Variants in CEP128 observed in about 807,000 individuals in gnomAD.
CEP128 encodes the protein centrosomal protein 128kDa.
Under a neutral mutation model 156.7 loss-of-function variants are expected in CEP128, and 132 were observed. The observed-to-expected ratio is 0.84, with a 90% CI of 0.73 to 0.97. The LOEUF (loss-of-function observed/expected upper bound fraction) is 0.97, where lower values mean the gene tolerates loss of function less well. Among genes scored for constraint, CEP128 ranks in the 50% least tolerant of loss-of-function variants. The pLI is 0.00. For missense variants in CEP128, 1,252 were observed against 1,281.9 expected (o/e 0.98, Z 0.36); for synonymous variants, 469 against 448.9 (o/e 1.04, Z -0.57).
At chr14:80,690,132 C>T (rs1319694965) in intron 19 of CEP128, among the ~76,000 whole-genome samples, 2 of 151,114 alleles carry the variant, frequency 1.3e-5, no homozygotes, top group South Asian at 2.1e-4. Flanking sequence ...TTGGGCAGGG[C>T]GTGGTGGCTC....
chr14:80,685,207 T>C (rs564085806), intron 19 of CEP128, among the ~76,000 whole-genome samples: 43 of 152,174 alleles, frequency 2.8e-4, no homozygotes, highest in African/African-American at 1.0e-3. Context: ...CTCTAAAGAC[T>C]TGGCAAAAGG....
chr14:80,834,208 A>G (rs1168308810), intron 12 of CEP128, among the ~76,000 whole-genome samples: 1 of 152,220 alleles, frequency 6.6e-6, no homozygotes, highest in Non-Finnish European at 1.5e-5. Flanking sequence ...CAAACTGTGA[A>G]CACAGCAAAA....
At chr14:80,907,192 C>T (rs1248972135) in intron 4 of CEP128, among the ~76,000 whole-genome samples, 1 of 151,940 alleles carries the variant, frequency 6.6e-6, no homozygotes, top group African/African-American at 2.4e-5. Context: ...TTTGGCTGCT[C>T]TAATTGAAAC....
At chr14:80,890,090 C>A (rs1406278100) in intron 8 of CEP128, among the ~76,000 whole-genome samples, 3 of 152,122 alleles carry the variant, frequency 2.0e-5, no homozygotes, top group Non-Finnish European at 2.9e-5. Flanking sequence ...CCATCTCACG[C>A]CAGTTAGAAT....
At chr14:80,663,574 C>T (rs1211895992) in intron 19 of CEP128, among the ~76,000 whole-genome samples, 2 of 152,162 alleles carry the variant, frequency 1.3e-5, no homozygotes, top group Non-Finnish European at 2.9e-5. Context: ...ACAATAAAAA[C>T]AGCAGTAACA....
At chr14:80,732,916 C>G (rs73338593) in intron 19 of CEP128, among the ~76,000 whole-genome samples, 1,526 of 150,624 alleles carry the variant, frequency 0.01, 30 homozygotes, top group African/African-American at 0.035. Context: ...CTAAATAAGA[C>G]AAAGGTGGTA....
intron 19 of CEP128, among the ~76,000 whole-genome samples, chr14:80,620,513 G>A (rs552688966): frequency 6.6e-6 from 1 of 152,290 alleles, no homozygotes; most frequent in Non-Finnish European, 1.5e-5. Flanking sequence ...CAATTGATTT[G>A]TAAAGGAATT....
In CEP128 at chr14:80,785,399, A is replaced by T. The variant is rs996043682; in HGVS notation, c.1707T>A (p.Asp569Glu). The T allele has an allele frequency of 1.2e-6, 2 of 1,614,052 alleles. No homozygotes were observed. The highest frequency in any genetic ancestry group is 2.7e-5 in the African/African-American group (2 of 74,938). Residue 569 changes from aspartate to glutamate, a missense_variant, in exon 15 of 25, where the codon GAT becomes GAA. By Grantham distance (45) the Asp-to-Glu change is conservative (BLOSUM62 2). Coordinates refer to ENST00000555265, the MANE Select transcript of CEP128 (RefSeq NM_152446.5). The part of the protein sequence containing the change: ...ELHSKEEKLR[D>E]IKSHQADLEL... ...CAAGGTCAGCTTGATGAGACTTAAT[A>T]TCACGTAATTTCTCCTCCTTGGAGT...
intron 16 of CEP128, among the ~76,000 whole-genome samples, chr14:80,772,706 C>A (rs1025772065): frequency 6.6e-6 from 1 of 152,168 alleles, no homozygotes; most frequent in Admixed American, 6.5e-5. Flanking sequence ...CCAACTCCTG[C>A]ACCTGCCAAT....
chr14:80,596,232 T>G (rs1436324194), intron 19 of CEP128, among the ~76,000 whole-genome samples: 1 of 152,100 alleles, frequency 6.6e-6, no homozygotes, highest in Non-Finnish European at 1.5e-5. Flanking sequence ...TTATGCTATC[T>G]ACAGAAAACT....
chr14:80,580,210 G>A (rs1245077564), intron 20 of CEP128, among the ~76,000 whole-genome samples, 164 bp downstream of exon 20: 1 of 152,102 alleles, frequency 6.6e-6, no homozygotes, highest in Non-Finnish European at 1.5e-5. Context: ...TTAGATCAGT[G>A]CTCTCAGAGA....
chr14:80,945,010 G>A (rs951989742), upstream of CEP128, among the ~76,000 whole-genome samples: 1 of 151,946 alleles, frequency 6.6e-6, no homozygotes, highest in Non-Finnish European at 1.5e-5. Context: ...ACAGATAGGG[G>A]CACACAGAGG....
At chr14:80,915,152 A>C (rs572263709) in intron 3 of CEP128, among the ~76,000 whole-genome samples, 3 of 152,096 alleles carry the variant, frequency 2.0e-5, no homozygotes, top group African/African-American at 7.2e-5. Flanking sequence ...CCTGGGCTCA[A>C]GGAATTCTAC....
chr14:80,528,294 C>A (rs1449256623), intron 22 of CEP128, among the ~76,000 whole-genome samples: 2 of 152,042 alleles, frequency 1.3e-5, no homozygotes, highest in East Asian at 3.9e-4. Flanking sequence ...TGAAACAATT[C>A]TTTTTTATTT....
At chr14:80,609,656 T>G (rs1403241081) in intron 19 of CEP128, among the ~76,000 whole-genome samples, 1 of 152,136 alleles carries the variant, frequency 6.6e-6, no homozygotes, top group African/African-American at 2.4e-5. Flanking sequence ...TTGGTGTCAT[T>G]ACCAGTACAC....
intron 15 of CEP128, among the ~76,000 whole-genome samples, chr14:80,781,343 G>C (rs1242214415): frequency 1.3e-5 from 2 of 151,358 alleles, no homozygotes; most frequent in Admixed American, 6.6e-5. Flanking sequence ...TGTAGTCCCA[G>C]CTACTTGGGA....
chr14:80,731,792 T>G (rs1345357268), intron 19 of CEP128, among the ~76,000 whole-genome samples: 1 of 152,172 alleles, frequency 6.6e-6, no homozygotes, highest in African/African-American at 2.4e-5. Flanking sequence ...TATACTAGTT[T>G]CAAAAAATCC....
intron 2 of CEP128, among the ~76,000 whole-genome samples, chr14:80,917,369 A>G (rs2139511228): frequency 6.6e-6 from 1 of 152,374 alleles, no homozygotes; most frequent in South Asian, 2.1e-4. Flanking sequence ...GAGAAACTCA[A>G]CTGATAAAAA....
intron 13 of CEP128, among the ~76,000 whole-genome samples, chr14:80,822,264 G>A (rs942288711): frequency 6.6e-5 from 10 of 152,264 alleles, no homozygotes; most frequent in East Asian, 1.9e-4. Flanking sequence ...CCATAAGCCC[G>A]TAAAAGCAAA....
Sources: allele counts gnomAD v4.1 joint callset (sites outside exome capture counted in the v4.1 genomes callset), GRCh38; gene constraint gnomAD v4.1.1; transcripts MANE v1.5; gene names NCBI Gene and HGNC (gene_info 2026-07-23, HGNC 2026-07-21).